Variants in ZMAT4 observed in about 807,000 individuals in gnomAD.
ZMAT4 encodes zinc finger matrin-type 4, also known as zinc finger matrin-type protein 4.
Under a neutral mutation model 28.7 loss-of-function variants are expected in ZMAT4, and 17 were observed. That is an observed-to-expected ratio of 0.59 (90% confidence interval 0.41 to 0.89). The LOEUF is 0.89. Ranked by LOEUF, ZMAT4 falls within the 40% of genes least tolerant of loss-of-function variation. The pLI is 0.00. For synonymous variants in ZMAT4, 117 were observed against 109.2 expected (o/e 1.07, Z -0.44); for missense variants, 240 against 283.8 (o/e 0.85, Z 1.11).
chr8:40,826,419 C>A (rs1156391465), intron 1 of ZMAT4, among the ~76,000 whole-genome samples: 2 of 151,990 alleles, frequency 1.3e-5, no homozygotes, highest in Non-Finnish European at 2.9e-5. Context: ...ATTTTAATAG[C>A]ACTTATCTTT....
intron 5 of ZMAT4, among the ~76,000 whole-genome samples, chr8:40,606,931 A>G (rs1404305375): frequency 2.0e-5 from 3 of 151,448 alleles, no homozygotes; most frequent in Admixed American, 2.0e-4. Context: ...TCTTTGTTGG[A>G]TTGGGTTAAT....
chr8:40,877,600 A>G (rs745411711), intron 1 of ZMAT4, among the ~76,000 whole-genome samples: 8 of 152,250 alleles, frequency 5.3e-5, no homozygotes, highest in Admixed American at 1.3e-4. Context: ...TAAATGCTAA[A>G]AAAATGAAAG....
rs558028758 is a variant in ZMAT4 at position 40,639,833 on chromosome 8, A to G, written c.577+34871T>C. Among the ~76,000 whole-genome samples the G allele has an allele frequency of 5.6e-4, 85 of 152,070 alleles. 1 individual carries two copies. The highest frequency in any genetic ancestry group is 1.0e-3 in the Non-Finnish European group (70 of 68,008). ...TGTATATATTCTATTGTACATTATT[A>G]TACAGTGGAAAGATCTAGGAGAGAA... On this transcript the variant is annotated intron_variant, in intron 5 of 6. Coordinates refer to ENST00000297737, the MANE Select transcript of ZMAT4 (RefSeq NM_024645.3).
chr8:40,881,424 GAAGAAAGAGAGAAAGAAAGAAAGAAAGA>G lies in ZMAT4; in HGVS notation c.-5+16231_-5+16258del, dbSNP rs1563263164. On this transcript the variant is annotated intron_variant, in intron 1 of 6. Transcript: ENST00000297737. ...AGAGAGAGAAAGAAAGGAAGAAAAA[GAAGAAAGAGAGAAAGAAAGAAAGAAAGA>G]AAGAAAGAAAGAAAGAAAGAAAGAA... Among the ~76,000 whole-genome samples, 5 of 71,218 alleles carry G rather than the reference GAAGAAAGAGAGAAAGAAAGAAAGAAAGA, an allele frequency of 7.0e-5. No individual in the cohort carries two copies. In the East Asian group the frequency reaches 2.0e-3, roughly 29 times the overall value. The allele number at this position is 71,218 out of a possible 152,430, so 46.7% of individuals were successfully genotyped here.
chr8:40,597,657 T>A (rs1192900503), intron 5 of ZMAT4, among the ~76,000 whole-genome samples: 1 of 152,194 alleles, frequency 6.6e-6, no homozygotes, highest in African/African-American at 2.4e-5. Flanking sequence ...AACCTAACAT[T>A]CAAAAGGCAG....
chr8:40,673,012 T>G (rs1257354087), intron 5 of ZMAT4, among the ~76,000 whole-genome samples: 2 of 152,224 alleles, frequency 1.3e-5, no homozygotes, highest in Non-Finnish European at 2.9e-5. Context: ...TTTGTTGTTT[T>G]TAATCAGGTC....
At chr8:40,648,277 G>A (rs1807446828) in intron 5 of ZMAT4, among the ~76,000 whole-genome samples, 1 of 151,966 alleles carries the variant, frequency 6.6e-6, no homozygotes, top group Non-Finnish European at 1.5e-5. Flanking sequence ...CGTGAAGAAT[G>A]CAGAAGCCTC....
intron 1 of ZMAT4, among the ~76,000 whole-genome samples, chr8:40,868,094 T>C (rs1586193454): frequency 6.6e-6 from 1 of 152,168 alleles, no homozygotes; most frequent in Non-Finnish European, 1.5e-5. Flanking sequence ...GACATATATA[T>C]GATATATAAA....
intron 3 of ZMAT4, among the ~76,000 whole-genome samples, chr8:40,754,333 AATT>A (rs1289816375): frequency 1.3e-5 from 2 of 152,126 alleles, no homozygotes; most frequent in African/African-American, 2.4e-5. Flanking sequence ...CAGGGAAAAC[AATT>A]ATTTCCACAG....
intron 1 of ZMAT4, among the ~76,000 whole-genome samples, chr8:40,895,647 C>A (rs1222985434): frequency 6.6e-6 from 1 of 152,086 alleles, no homozygotes; most frequent in Non-Finnish European, 1.5e-5. Flanking sequence ...ACTGCCTCTT[C>A]CCTCTGTGCA....
At chr8:40,819,423 C>A (rs76273491) in intron 2 of ZMAT4, among the ~76,000 whole-genome samples, 1 of 152,108 alleles carries the variant, frequency 6.6e-6, no homozygotes, top group Non-Finnish European at 1.5e-5. Context: ...GACACCTAGG[C>A]CTTCATCAAA....
At chr8:40,538,184 C>G (rs1802909362) in intron 6 of ZMAT4, among the ~76,000 whole-genome samples, 1 of 152,166 alleles carries the variant, frequency 6.6e-6, no homozygotes, top group South Asian at 2.1e-4. Flanking sequence ...CGGGAGCCTA[C>G]TATCTGAAGG....
chr8:40,677,860 CTAAA>C (rs973079942), intron 4 of ZMAT4, among the ~76,000 whole-genome samples: 2 of 152,134 alleles, frequency 1.3e-5, no homozygotes, highest in African/African-American at 2.4e-5. Flanking sequence ...AAAATATTAA[CTAAA>C]TATTTACTTT....
At chr8:40,607,811 G>A (rs1359336048) in intron 5 of ZMAT4, among the ~76,000 whole-genome samples, 1 of 152,060 alleles carries the variant, frequency 6.6e-6, no homozygotes, top group African/African-American at 2.4e-5. Flanking sequence ...CCTAGATCTA[G>A]TCACCCAGCA....
At chr8:40,641,116 A>G (rs1807008793) in intron 5 of ZMAT4, among the ~76,000 whole-genome samples, 1 of 152,252 alleles carries the variant, frequency 6.6e-6, no homozygotes, top group Non-Finnish European at 1.5e-5. Context: ...TAGCTTAATC[A>G]CAGTAAGAAT....
At chr8:40,832,315 C>T (rs1033395483) in intron 1 of ZMAT4, among the ~76,000 whole-genome samples, 1 of 152,188 alleles carries the variant, frequency 6.6e-6, no homozygotes, top group Admixed American at 6.5e-5. Flanking sequence ...TTTGCCTGAA[C>T]TGAGCTGGGA....
chr8:40,780,759 G>T (rs749718327), intron 2 of ZMAT4, among the ~76,000 whole-genome samples: 1 of 152,130 alleles, frequency 6.6e-6, no homozygotes, highest in Non-Finnish European at 1.5e-5. Context: ...TTAATGTAAT[G>T]TACCACATTT....
intron 6 of ZMAT4, among the ~76,000 whole-genome samples, chr8:40,534,714 G>A (rs889114449): frequency 5.8e-5 from 7 of 120,696 alleles, no homozygotes; most frequent in Admixed American, 2.3e-4. Flanking sequence ...ACTGAGTCAC[G>A]CTTTGTCGCC....
intron 2 of ZMAT4, among the ~76,000 whole-genome samples, chr8:40,798,083 G>A (rs78221244): frequency 2.6e-3 from 396 of 152,270 alleles, no homozygotes; most frequent in African/African-American, 8.4e-3. Context: ...ACAGTATGTC[G>A]CCAAAGAACT....
Sources: gnomAD v4.1 joint callset for allele counts (sites outside exome capture counted in the v4.1 genomes callset) on GRCh38, gnomAD v4.1.1 for gene constraint, MANE v1.5 for transcripts, NCBI Gene and HGNC (gene_info 2026-07-23, HGNC 2026-07-21) for gene names.